ZNF883: variants seen among roughly 807,000 people sequenced by gnomAD.
ZNF883 encodes zinc finger protein 883.
upstream of ZNF883, chr9:112,998,332 ATTT>A: frequency 8.3e-7 from 1 of 1,201,650 alleles, no homozygotes; most frequent in South Asian, 2.7e-5. Context: ...TTGGCTTTTC[ATTT>A]ATTTCCAGAA....
upstream of ZNF883, chr9:113,001,997 A>G (rs1825300834): frequency 6.6e-6 from 1 of 152,270 alleles, no homozygotes; most frequent in African/African-American, 2.4e-5. Context: ...TACTCACCCA[A>G]TGAGATGAGG....
At chr9:113,006,086 G>C (rs1224725583) in intron 2 of ZNF883, among the ~76,000 whole-genome samples, 1 of 124,882 alleles carries the variant, frequency 8.0e-6, no homozygotes, top group South Asian at 2.8e-4. Context: ...AAAAGTTCAA[G>C]CATGAAAAAT....
chr9:113,011,848 CTCTGT>C (rs1388636543), intron 1 of ZNF883, among the ~76,000 whole-genome samples: 1 of 152,118 alleles, frequency 6.6e-6, no homozygotes, highest in Non-Finnish European at 1.5e-5. Context: ...AAGCTCTGAG[CTCTGT>C]TCTCATGACT....
At chr9:112,993,179 CT>C (rs1251107712), downstream of ZNF883, among the ~76,000 whole-genome samples, 1 of 152,140 alleles carries the variant, frequency 6.6e-6, no homozygotes, top group Admixed American at 6.5e-5. Context: ...AGTGGGGTTA[CT>C]TTTTTGTTGA....
At chr9:113,009,668 C>T (rs1299695290) in intron 2 of ZNF883, among the ~76,000 whole-genome samples, 1 of 152,152 alleles carries the variant, frequency 6.6e-6, no homozygotes, top group African/African-American at 2.4e-5. Context: ...TGCCGCCACG[C>T]CCAGCTAATT....
At chr9:113,005,853 G>T (rs1587897278) in intron 2 of ZNF883, among the ~76,000 whole-genome samples, 1 of 152,180 alleles carries the variant, frequency 6.6e-6, no homozygotes, top group Non-Finnish European at 1.5e-5. Context: ...ACAGAACCTG[G>T]TATTCACTAT....
exon 1 of ZNF883, chr9:112,998,011 A>T (rs993797885): frequency 1.2e-6 from 2 of 1,613,448 alleles, no homozygotes; most frequent in African/African-American, 2.7e-5. Flanking sequence ...GCTGAATAAG[A>T]TTAGTGCTCT....
chr9:113,007,122 A>G (rs907781805), intron 2 of ZNF883, among the ~76,000 whole-genome samples: 8 of 152,200 alleles, frequency 5.3e-5, no homozygotes, highest in Non-Finnish European at 1.0e-4. Flanking sequence ...TGAAACTGGG[A>G]GGCGGAGGTT....
chr9:112,990,361 A>G (rs982631115), intron 1 of ZNF883, among the ~76,000 whole-genome samples: 1 of 152,230 alleles, frequency 6.6e-6, no homozygotes, highest in Non-Finnish European at 1.5e-5. Context: ...TTCTGCATCT[A>G]TTGAGATAAT....
At chr9:112,989,132 A>G (rs978622040) in intron 1 of ZNF883, among the ~76,000 whole-genome samples, 5 of 152,128 alleles carry the variant, frequency 3.3e-5, no homozygotes, top group African/African-American at 1.2e-4. Flanking sequence ...CTTTAGTTTA[A>G]TTAGATCCCA....
chr9:112,997,342 T>C lies in ZNF883; in HGVS notation n.918A>G, dbSNP rs184048601. The C allele has an allele frequency of 7.8e-4, 1,263 of 1,614,102 alleles. 9 individuals carry two copies. In the African/African-American group the frequency reaches 0.015, roughly 19 times the overall value. On this transcript the variant is annotated non_coding_transcript_exon_variant, in exon 1 of 1. Coordinates refer to ENST00000639662, the Ensembl canonical transcript of ZNF883. Reference sequence around the variant, plus strand: ...GCGTCCTCTGATGTCGAATTAGTGATGTTCTATAGCAAAACAGTTTCTGAC... The same window carrying C: ...GCGTCCTCTGATGTCGAATTAGTGACGTTCTATAGCAAAACAGTTTCTGAC...
intron 2 of ZNF883, among the ~76,000 whole-genome samples, chr9:113,009,531 A>G (rs990093973): frequency 6.7e-6 from 1 of 148,686 alleles, no homozygotes; most frequent in Non-Finnish European, 1.5e-5. Context: ...TTTTTTTGAG[A>G]CAGAGTCTTG....
chr9:112,992,411 C>T (rs1406540403), downstream of ZNF883, among the ~76,000 whole-genome samples: 2 of 152,060 alleles, frequency 1.3e-5, no homozygotes, highest in Non-Finnish European at 2.9e-5. Flanking sequence ...ATATTGGCCT[C>T]CTCTTCAAGC....
rs550477623 is a variant in ZNF883 at position 113,011,765 on chromosome 9, C to T, written n.78+385G>A. 1.1e-4 allele frequency among the ~76,000 whole-genome samples: 17 copies of T among 152,274 alleles called. No individual in the cohort carries two copies. In the South Asian group the frequency reaches 3.5e-3, roughly 32 times the overall value. ...GTTTTCTTGCAATTCCCAGGTCTAC[C>T]TACCACCAAGGTCTGGGGTGGTTGC... On this transcript the variant is annotated intron_variant and non_coding_transcript_variant, in intron 1 of 4. Transcript: ENST00000638622.
intron 1 of ZNF883, among the ~76,000 whole-genome samples, chr9:112,991,054 C>A (rs141679810): frequency 1.3e-5 from 2 of 152,138 alleles, no homozygotes; most frequent in East Asian, 3.9e-4. Flanking sequence ...CAAAAACCAG[C>A]TCCTGGATTC....
upstream of ZNF883, among the ~76,000 whole-genome samples, chr9:113,000,091 T>C (rs1828408859): frequency 1.3e-5 from 2 of 152,158 alleles, no homozygotes; most frequent in African/African-American, 2.4e-5. Context: ...CTTTCAAAGC[T>C]CTGTGACAAG....
intron 2 of ZNF883, among the ~76,000 whole-genome samples, chr9:113,009,591 T>C (rs1828512142): frequency 6.6e-6 from 1 of 151,528 alleles, no homozygotes; most frequent in African/African-American, 2.4e-5. Context: ...CCCAGTGCAA[T>C]CTCCACCTCC....
chr9:113,002,603 A>G (rs1253334117), upstream of ZNF883, among the ~76,000 whole-genome samples: 1 of 152,170 alleles, frequency 6.6e-6, no homozygotes, highest in African/African-American at 2.4e-5. Context: ...AAACTATTCT[A>G]AAATAAGTTT....
At position 113,005,956 on chromosome 9, in the gene ZNF883, G is replaced by A. The variant is rs373971050; in HGVS notation, n.166-3883C>T. Among the ~76,000 whole-genome samples the A allele has an allele frequency of 4.6e-5, 7 of 152,112 alleles. No homozygotes were observed. The East Asian group carries it at 7.7e-4, about 17-fold the overall frequency. ...TTGTATCTGAGATAGGAATTCAGCA[G>A]GACTAGTTTACAAGACAATGAGTCA... On this transcript the variant is annotated intron_variant and non_coding_transcript_variant, in intron 2 of 4. Transcript: ENST00000638622.
Sources: allele counts gnomAD v4.1 joint callset (sites outside exome capture counted in the v4.1 genomes callset), GRCh38; gene constraint gnomAD v4.1.1; transcripts MANE v1.5; gene names NCBI Gene and HGNC (gene_info 2026-07-23, HGNC 2026-07-21).